PHF14: variants seen among roughly 807,000 people sequenced by gnomAD.
PHF14 encodes PHD finger protein 14.
In PHF14, 55 loss-of-function variants were observed where a neutral mutation model predicts 117.9. The ratio of observed to expected loss-of-function variants is 0.47; its 90% CI spans 0.38 to 0.58. The LOEUF (loss-of-function observed/expected upper bound fraction) is 0.58, where lower values mean the gene tolerates loss of function less well. Ranked by LOEUF, PHF14 falls within the 20% of genes least tolerant of loss-of-function variation. The probability of loss-of-function intolerance (pLI) is 0.00; values close to 1 mark genes in which losing one functional copy is unlikely to be tolerated. For synonymous variants in PHF14, 409 were observed against 368.6 expected, an observed-to-expected ratio of 1.11 and a Z score of -1.26; for missense variants, 978 against 1,122.2, an observed-to-expected ratio of 0.87 and a Z score of 1.84.
At chr7:11,143,982 G>C (rs923661505) in intron 17 of PHF14, among the ~76,000 whole-genome samples, 16 of 152,054 alleles carry the variant, frequency 1.1e-4, no homozygotes, top group African/African-American at 3.1e-4. Context: ...TATTCACCCA[G>C]TAAGTGCTCT....
chr7:11,126,427 A>C (rs1246398473), intron 17 of PHF14, among the ~76,000 whole-genome samples: 1 of 152,098 alleles, frequency 6.6e-6, no homozygotes, highest in African/African-American at 2.4e-5. Flanking sequence ...TTTCCTTGTG[A>C]CAATGTTGAA....
chr7:11,029,114 T>TAA (rs149877086), intron 7 of PHF14, among the ~76,000 whole-genome samples: 23 of 151,400 alleles, frequency 1.5e-4, no homozygotes, highest in African/African-American at 5.1e-4. Context: ...GAATTATAGT[T>TAA]AAAAAAAAAT....
At chr7:11,068,491 T>C (rs943975263) in intron 16 of PHF14, among the ~76,000 whole-genome samples, 3 of 151,962 alleles carry the variant, frequency 2.0e-5, no homozygotes, top group African/African-American at 4.8e-5. Flanking sequence ...AGTAGTCAGA[T>C]TTATAGAGAC....
intron 16 of PHF14, among the ~76,000 whole-genome samples, chr7:11,068,792 G>C (rs1023998868): frequency 3.3e-5 from 5 of 152,164 alleles, no homozygotes; most frequent in African/African-American, 9.7e-5. Flanking sequence ...GGCAGGGAAA[G>C]GGGCTGGGGC....
At chr7:10,999,076 A>AGT (rs1476978018) in intron 4 of PHF14, among the ~76,000 whole-genome samples, 1 of 152,148 alleles carries the variant, frequency 6.6e-6, no homozygotes, top group Non-Finnish European at 1.5e-5. Context: ...TAAGTGATGG[A>AGT]GTGCCCCAGG....
chr7:10,982,256 A>T, intron 2 of PHF14, 116 bp from the exon 3 acceptor site: 1 of 608,946 alleles, frequency 1.6e-6, no homozygotes, highest in East Asian at 3.0e-5. Context: ...AAATTTGTTT[A>T]TATTGTTTTG....
intron 3 of PHF14, among the ~76,000 whole-genome samples, chr7:10,988,285 A>G (rs1782304598): frequency 6.6e-6 from 1 of 152,164 alleles, no homozygotes; most frequent in Non-Finnish European, 1.5e-5. Flanking sequence ...AAATTGGCGT[A>G]GAGATATGAT....
chr7:11,047,963 G>A (rs13309601), intron 13 of PHF14, among the ~76,000 whole-genome samples: 4 of 147,074 alleles, frequency 2.7e-5, no homozygotes, highest in African/African-American at 1.0e-4. Context: ...GGGGGAGGGA[G>A]GAAGGGAAAA....
chr7:10,990,657 TAC>T, intron 3 of PHF14, 44 bp from the exon 4 acceptor site: 2 of 1,205,920 alleles, frequency 1.7e-6, no homozygotes, highest in African/African-American at 1.6e-5. Context: ...GTTTTTTTTT[TAC>T]TTTAAATGTG....
intron 16 of PHF14, among the ~76,000 whole-genome samples, chr7:11,076,375 A>C (rs905635863): frequency 2.0e-5 from 3 of 152,126 alleles, no homozygotes; most frequent in African/African-American, 7.2e-5. Flanking sequence ...TTGAGGCTTC[A>C]GTGCTATAAC....
chr7:11,052,610 G>C (rs1290776571), intron 14 of PHF14, among the ~76,000 whole-genome samples: 1 of 152,120 alleles, frequency 6.6e-6, no homozygotes, highest in Non-Finnish European at 1.5e-5. Flanking sequence ...TAATGTTTCT[G>C]TTGCTTCACA....
At chr7:11,059,294 A>G (rs150710413) in intron 14 of PHF14, among the ~76,000 whole-genome samples, 14 of 152,356 alleles carry the variant, frequency 9.2e-5, no homozygotes, top group Middle Eastern at 6.8e-3. Context: ...ATTAAAATAC[A>G]TACTTGAAAA....
At chr7:11,124,603 T>A (rs569174981) in intron 17 of PHF14, among the ~76,000 whole-genome samples, 15 of 152,096 alleles carry the variant, frequency 9.9e-5, no homozygotes, top group African/African-American at 2.4e-4. Flanking sequence ...TGTTTTTTTT[T>A]ATCTCCTTTC....
intron 4 of PHF14, among the ~76,000 whole-genome samples, chr7:11,009,046 A>G (rs1045667242): frequency 6.6e-6 from 1 of 151,830 alleles, no homozygotes; most frequent in Non-Finnish European, 1.5e-5. Context: ...AAAAAAAAAA[A>G]AAAAAAGTCT....
At chr7:11,044,028 T>C (rs1006788052) in intron 13 of PHF14, among the ~76,000 whole-genome samples, 10 of 151,868 alleles carry the variant, frequency 6.6e-5, no homozygotes, top group Non-Finnish European at 1.2e-4. Context: ...ATCATGTTCT[T>C]TGTAGCAACA....
chr7:10,986,582 C>T (rs1421438086), intron 3 of PHF14, among the ~76,000 whole-genome samples: 1 of 152,160 alleles, frequency 6.6e-6, no homozygotes, highest in Non-Finnish European at 1.5e-5. Flanking sequence ...CTGCATTTTC[C>T]GCAAACGGAC....
chr7:10,982,722 A>G lies in PHF14; in HGVS notation c.463A>G (p.Thr155Ala), dbSNP rs761043102. ...AASAAATTPATSPPAVNTSPS... is the reference protein window; with the variant it reads ...AASAAATTPAASPPAVNTSPS... Reference sequence around the variant, plus strand: ...TTCTGCTGCTGCCACCACACCAGCCACAAGTCCTCCTGCTGTTAACACATC... The same window carrying G: ...TTCTGCTGCTGCCACCACACCAGCCGCAAGTCCTCCTGCTGTTAACACATC... Residue 155 changes from threonine to alanine, a missense_variant, in exon 3 of 18, where the codon ACA (threonine) becomes GCA (alanine). By Grantham distance (58) the Thr-to-Ala change is moderately conservative. Transcript: ENST00000634607. 3.7e-6 allele frequency: 6 copies of G among 1,612,780 alleles called. No homozygotes were observed. Among genetic ancestry groups the G allele is most frequent in the Non-Finnish European group, 2.5e-6 (3 of 1,179,352 alleles).
At chr7:11,098,938 G>C (rs1786980765) in intron 16 of PHF14, among the ~76,000 whole-genome samples, 1 of 152,154 alleles carries the variant, frequency 6.6e-6, no homozygotes, top group South Asian at 2.1e-4. Context: ...ATGTCACGAA[G>C]AGATTAGATT....
At chr7:11,033,513 GC>G (rs1784199443) in intron 7 of PHF14, among the ~76,000 whole-genome samples, 1 of 152,136 alleles carries the variant, frequency 6.6e-6, no homozygotes, top group Non-Finnish European at 1.5e-5. Flanking sequence ...TAATCACATG[GC>G]CACATCTAGC....
Sources: allele counts gnomAD v4.1 joint callset (sites outside exome capture counted in the v4.1 genomes callset), GRCh38; gene constraint gnomAD v4.1.1; transcripts MANE v1.5; gene names NCBI Gene and HGNC (gene_info 2026-07-23, HGNC 2026-07-21).